Variants in RBFOX1 observed in about 807,000 individuals in gnomAD.
RBFOX1 encodes the protein RNA binding fox-1 homolog 1.
RBFOX1 carries 8 observed loss-of-function variants against 57.7 expected under a neutral mutation model. The observed-to-expected ratio is 0.14, with a 90% CI of 0.08 to 0.25. RBFOX1 has a LOEUF of 0.25. Among genes scored for constraint, RBFOX1 ranks in the 10% least tolerant of loss-of-function variants. The pLI is 1.00. For synonymous variants in RBFOX1, 326 were observed against 222.4 expected (o/e 1.47, Z -4.15); for missense variants, 611 against 548.5 (o/e 1.11, Z -1.14).
At chr16:6,954,440 C>G (rs1400015672) in intron 3 of RBFOX1, among the ~76,000 whole-genome samples, 1 of 152,036 alleles carries the variant, frequency 6.6e-6, no homozygotes, top group Admixed American at 6.6e-5. Flanking sequence ...AATTACACGA[C>G]TATAAATTGT....
intron 2 of RBFOX1, among the ~76,000 whole-genome samples, chr16:6,408,816 T>C (rs1162122586): frequency 6.6e-6 from 1 of 152,192 alleles, no homozygotes; most frequent in African/African-American, 2.4e-5. Context: ...TTTAATTTAA[T>C]TCAGTCCTAA....
intron 14 of RBFOX1, among the ~76,000 whole-genome samples, chr16:7,691,282 G>A (rs1329738372): frequency 1.3e-5 from 2 of 151,938 alleles, no homozygotes; most frequent in African/African-American, 2.4e-5. Context: ...AGTTGTCAAA[G>A]GGAGTAGTCC....
intron 1 of RBFOX1, among the ~76,000 whole-genome samples, chr16:6,096,679 G>A (rs953442414): frequency 6.6e-5 from 10 of 152,120 alleles, no homozygotes; most frequent in African/African-American, 2.4e-4. Flanking sequence ...ATCATGTACC[G>A]ATGTTTAAAA....
chr16:7,222,873 A>G (rs1342085714), intron 4 of RBFOX1, among the ~76,000 whole-genome samples: 3 of 152,172 alleles, frequency 2.0e-5, no homozygotes, highest in African/African-American at 7.2e-5. Context: ...TTTACTAAAG[A>G]GTGTGTTTTT....
At chr16:7,549,581 G>C (rs889419669) in intron 5 of RBFOX1, among the ~76,000 whole-genome samples, 1 of 152,230 alleles carries the variant, frequency 6.6e-6, no homozygotes, top group Non-Finnish European at 1.5e-5. Flanking sequence ...GAAGCTGACA[G>C]TGAAACCTTC....
chr16:6,521,527 C>G (rs2096497659), intron 2 of RBFOX1, among the ~76,000 whole-genome samples: 1 of 146,976 alleles, frequency 6.8e-6, no homozygotes, highest in Non-Finnish European at 1.5e-5. Context: ...TTTTCCCTCC[C>G]TCCTTCCTCT....
At chr16:6,795,087 A>G (rs2083703500) in intron 3 of RBFOX1, among the ~76,000 whole-genome samples, 1 of 152,166 alleles carries the variant, frequency 6.6e-6, no homozygotes, top group Non-Finnish European at 1.5e-5. Context: ...TAAAAAAATG[A>G]GTTTCCATTT....
At chr16:5,404,866 A>G (rs1377312840) in intron 1 of RBFOX1, among the ~76,000 whole-genome samples, 2 of 152,228 alleles carry the variant, frequency 1.3e-5, no homozygotes, top group Non-Finnish European at 2.9e-5. Context: ...CAAAGTCTTA[A>G]CCACCAGGAA....
At chr16:7,522,876 T>G (rs1180305958) in intron 5 of RBFOX1, among the ~76,000 whole-genome samples, 1 of 152,226 alleles carries the variant, frequency 6.6e-6, no homozygotes, top group Non-Finnish European at 1.5e-5. Context: ...ATTTAAAGTA[T>G]ACACTTTGAT....
At chr16:6,182,170 C>G (rs1366434178) in intron 1 of RBFOX1, among the ~76,000 whole-genome samples, 1 of 152,108 alleles carries the variant, frequency 6.6e-6, no homozygotes, top group Non-Finnish European at 1.5e-5. Context: ...AGCTTATTCT[C>G]TGGGAAAGAA....
At chr16:6,661,690 C>G (rs941886726) in intron 3 of RBFOX1, among the ~76,000 whole-genome samples, 1 of 152,300 alleles carries the variant, frequency 6.6e-6, no homozygotes, top group Non-Finnish European at 1.5e-5. Context: ...CACTTTGATT[C>G]GAGCAAGACG....
intron 1 of RBFOX1, among the ~76,000 whole-genome samples, chr16:6,154,387 A>G (rs1480414754): frequency 6.6e-6 from 1 of 152,256 alleles, no homozygotes; most frequent in African/African-American, 2.4e-5. Flanking sequence ...AGATCAGGGT[A>G]TTGTATGACA....
Position 6,356,220 on chromosome 16 carries a change from A to G in RBFOX1, c.-64+39163A>G, listed in dbSNP as rs8045681. Among the ~76,000 whole-genome samples, 202 of 152,294 alleles carry G rather than the reference A, an allele frequency of 1.3e-3. 2 individuals are homozygous for G. In the East Asian group the frequency reaches 0.021, roughly 16 times the overall value. On this transcript the variant is annotated intron_variant, in intron 2 of 15. Coordinates refer to ENST00000550418, the MANE Select transcript of RBFOX1 (RefSeq NM_018723.4). ...TGCTTTTACATGGTGGCTTTCTTCC[A>G]GAGAGTACAGCATGGAGAAGGGAAG...
chr16:5,937,077 A>G (rs1238286505), intron 4 of RBFOX1, among the ~76,000 whole-genome samples: 1 of 144,480 alleles, frequency 6.9e-6, no homozygotes, highest in Non-Finnish European at 1.6e-5. Flanking sequence ...TCATAGACCT[A>G]TTGTAAGGGC....
chr16:6,141,698 A>C (rs888112999), intron 1 of RBFOX1, among the ~76,000 whole-genome samples: 2 of 151,890 alleles, frequency 1.3e-5, no homozygotes, highest in Non-Finnish European at 2.9e-5. Flanking sequence ...GTAATATTAC[A>C]ATAAGTTTCT....
At chr16:7,039,771 C>T (rs1262719027) in intron 3 of RBFOX1, among the ~76,000 whole-genome samples, 1 of 152,070 alleles carries the variant, frequency 6.6e-6, no homozygotes, top group Non-Finnish European at 1.5e-5. Flanking sequence ...GTATTATGTT[C>T]AAAGATTTCA....
intron 4 of RBFOX1, among the ~76,000 whole-genome samples, chr16:7,404,190 T>C (rs2148887461): frequency 6.6e-6 from 1 of 151,958 alleles, no homozygotes; most frequent in Admixed American, 6.6e-5. Flanking sequence ...GTAGCTGTGA[T>C]TACACGTGTG....
chr16:6,018,707 C>G (rs529796594), upstream of RBFOX1, among the ~76,000 whole-genome samples: 1 of 152,272 alleles, frequency 6.6e-6, no homozygotes, highest in East Asian at 1.9e-4. Flanking sequence ...AAGAAATGGA[C>G]TGGGGCAAGA....
At chr16:6,027,421 G>A (rs763888369) in intron 1 of RBFOX1, among the ~76,000 whole-genome samples, 7 of 152,162 alleles carry the variant, frequency 4.6e-5, no homozygotes, top group Non-Finnish European at 8.8e-5. Context: ...AGGAGGCAGT[G>A]CAGGTATTTC....
Sources: allele counts gnomAD v4.1 joint callset (sites outside exome capture counted in the v4.1 genomes callset), GRCh38; gene constraint gnomAD v4.1.1; transcripts MANE v1.5; gene names NCBI Gene and HGNC (gene_info 2026-07-23, HGNC 2026-07-21).